The following COL16A1 variants were observed in gnomAD, a reference collection of about 807,000 sequenced individuals.
COL16A1 encodes the protein collagen type XVI alpha 1 chain, also known as collagen alpha-1(XVI) chain.
In COL16A1, 189 loss-of-function variants were observed where a neutral mutation model predicts 266.3. The observed-to-expected ratio is 0.71, with a 90% CI of 0.63 to 0.80. COL16A1 has a LOEUF of 0.80. Ranked by LOEUF, COL16A1 falls within the 30% of genes least tolerant of loss-of-function variation. The pLI is 0.00. For missense variants in COL16A1, 1,928 were observed against 2,122.4 expected, an observed-to-expected ratio of 0.91 and a Z score of 1.80; for synonymous variants, 740 against 782.3, an observed-to-expected ratio of 0.95 and a Z score of 0.90.
chr1:31,683,796 C>A, intron 33 of COL16A1, 48 bp from the exon 34 acceptor site: 2 of 1,613,570 alleles, frequency 1.2e-6, no homozygotes, highest in Non-Finnish European at 1.7e-6. Context: ...CCCAGTCACC[C>A]TTTCCCCTTC....
chr1:31,701,507 C>T (rs1375243595), intron 2 of COL16A1: 20 of 985,280 alleles, frequency 2.0e-5, no homozygotes, highest in South Asian at 4.7e-5. Flanking sequence ...GCCCAGAGGG[C>T]ACCCAGCAAG....
In COL16A1 at chr1:31,656,720, G is replaced by C. The variant is rs985420577; in HGVS notation, c.4057-276C>G. ...GAGAGGGCCAGTCTGTGGCATACTG[G>C]GGGGCCTGGAAAGACCTGGTACCCA... On this transcript the variant is annotated intron_variant, in intron 65 of 70. Transcript: ENST00000373672. The surrounding 1 kb of genome is among the most constrained non-coding windows in gnomAD (Gnocchi z 4.2). Among the ~76,000 whole-genome samples the C allele has an allele frequency of 6.6e-6, 1 of 152,080 alleles. No individual in the cohort carries two copies. Among genetic ancestry groups the C allele is most frequent in the Non-Finnish European group, 1.5e-5 (1 of 68,000 alleles).
chr1:31,696,016 TC>T, intron 9 of COL16A1, 71 bp downstream of exon 9: 1 of 1,353,610 alleles, frequency 7.4e-7, no homozygotes, highest in Non-Finnish European at 1.1e-6. Flanking sequence ...GAGCACCTTA[TC>T]CCTGGGGTTT....
intron 58 of COL16A1, among the ~76,000 whole-genome samples, 173 bp downstream of exon 58, chr1:31,662,161 G>A (rs1641725276): frequency 6.6e-6 from 1 of 152,192 alleles, no homozygotes; most frequent in African/African-American, 2.4e-5. Flanking sequence ...AAGCCAAGGG[G>A]CTGTGGTGCC....
rs375705713 is a variant in COL16A1 at position 31,671,665 on chromosome 1, A to G, written c.3106-6T>C. On this transcript the variant is annotated splice_region_variant and splice_polypyrimidine_tract_variant and intron_variant, in intron 47 of 70. Coordinates refer to ENST00000373672, the MANE Select transcript of COL16A1 (RefSeq NM_001856.4). ...CCCCTCATGCCAGGCGGACCCTGCA[A>G]AGGAAGCCAAGGGAAATGGATGAAG... 2 of 1,614,010 alleles carry G rather than the reference A, an allele frequency of 1.2e-6. No individual in the cohort carries two copies. Among genetic ancestry groups the G allele is most frequent in the Non-Finnish European group, 1.7e-6 (2 of 1,179,972 alleles).
At chr1:31,666,161 C>G in intron 52 of COL16A1, 80 bp from the exon 53 acceptor site, 1 of 1,439,618 alleles carries the variant, frequency 6.9e-7, no homozygotes, top group Non-Finnish European at 9.5e-7. Flanking sequence ...CAGGGGACTG[C>G]CCAGAACAGA....
At chr1:31,659,122 G>C (rs1641424810) in intron 62 of COL16A1, among the ~76,000 whole-genome samples, 158 bp from the exon 63 acceptor site, 1 of 152,230 alleles carries the variant, frequency 6.6e-6, no homozygotes, top group African/African-American at 2.4e-5. Flanking sequence ...CTTCGGACAA[G>C]ATTTGCGCCC....
chr1:31,695,005 G>A (rs1382718148), intron 11 of COL16A1, among the ~76,000 whole-genome samples, 181 bp downstream of exon 11: 1 of 152,208 alleles, frequency 6.6e-6, no homozygotes, highest in Non-Finnish European at 1.5e-5. Flanking sequence ...CTTCCACACA[G>A]TCCTGGCTTG....
chr1:31,701,443 G>T, intron 2 of COL16A1: 1 of 985,394 alleles, frequency 1.0e-6, no homozygotes, highest in Non-Finnish European at 1.2e-6. Flanking sequence ...TTTCCTAGCT[G>T]GGTTTGGGTC....
chr1:31,696,421 G>A (rs146455930), intron 8 of COL16A1, among the ~76,000 whole-genome samples: 9 of 151,306 alleles, frequency 5.9e-5, no homozygotes, highest in African/African-American at 1.9e-4. Context: ...ATGCCCGAGC[G>A]GGCAGGGAGA....
chr1:31,695,357 C>G, intron 10 of COL16A1, 136 bp from the exon 11 acceptor site: 1 of 861,874 alleles, frequency 1.2e-6, no homozygotes, highest in Non-Finnish European at 1.9e-6. Flanking sequence ...GATAGGAATC[C>G]TATAAAACAA....
chr1:31,652,961 G>A lies in COL16A1; in HGVS notation c.4613-108C>T, dbSNP rs1289899844. The A allele has an allele frequency of 8.9e-7, 1 of 1,129,116 alleles. No homozygotes were observed. Among genetic ancestry groups the A allele is most frequent in the African/African-American group, 1.6e-5 (1 of 62,238 alleles). 69.9% of individuals were successfully genotyped at this position (1,129,116 alleles called of 1,614,324 possible). ...CTTACATTTGATGACTGTTTCTCAA[G>A]TTACCACATGTTTTCATGAAGACCT... On this transcript the variant is annotated intron_variant, in intron 70 of 70. Transcript: ENST00000373672. This position sits in a 1 kb window ranked among gnomAD's most constrained non-coding sequence, Gnocchi z 4.8.
Position 31,684,163 on chromosome 1 carries a change from C to A in COL16A1, c.2229G>T (p.Gln743His). 1 of 1,545,834 alleles carries A rather than the reference C, an allele frequency of 6.5e-7. No homozygotes were observed. The highest frequency in any genetic ancestry group is 1.2e-5 in the South Asian group (1 of 82,964). Residue 743 changes from glutamine (Q) to histidine (H), a missense_variant, in exon 32 of 71, where the codon CAG becomes CAT. Gln to His is a conservative substitution (Grantham distance 24). This residue lies in a region of COL16A1 where 1,552 missense variants were observed against 1,637.2 expected (regional missense o/e 0.95). Coordinates refer to ENST00000373672, the MANE Select transcript of COL16A1 (RefSeq NM_001856.4). The stretch of plus-strand genomic sequence containing the variant: ...GGCCCTGCTCTCCTTTGGGGCCGGG[C>A]TGCCCAGGCCGTCCTGCCATGTCTG... ...TVTDMAGRPG[Q>H]PGPKGEQGPE...
In COL16A1 at chr1:31,665,606, G is replaced by T; in HGVS notation, c.3469C>A (p.Gln1157Lys). 6.2e-7 allele frequency: 1 copy of T among 1,613,948 alleles called. No homozygotes were observed. Among genetic ancestry groups the T allele is most frequent in the Non-Finnish European group, 8.5e-7 (1 of 1,179,928 alleles). Residue 1157 changes from glutamine (Q) to lysine (K), a missense_variant, in exon 55 of 71, where the codon CAG (glutamine) becomes AAG (lysine). By Grantham distance (53) the Gln-to-Lys change is moderately conservative. Coordinates refer to ENST00000373672, the MANE Select transcript of COL16A1 (RefSeq NM_001856.4). The stretch of plus-strand genomic sequence containing the variant: ...ACCGGTGGGCCCGGAAAGCCTGGCT[G>T]GCCTTGAAATCCCTAGGGTGAGAAG... ...GEKGDQGFQGQPGFPGPPGPP... is the reference protein window; with the variant it reads ...GEKGDQGFQGKPGFPGPPGPP...
At chr1:31,658,705 A>G (rs1641384196) in intron 63 of COL16A1, 128 bp from the exon 64 acceptor site, 1 of 1,057,894 alleles carries the variant, frequency 9.5e-7, no homozygotes. Context: ...CTGAACTTGC[A>G]GCAGGACTCT....
Position 31,656,220 on chromosome 1 carries a change from A to G in COL16A1, c.4101+180T>C, listed in dbSNP as rs571818744. 9.7e-5 allele frequency: 90 copies of G among 931,770 alleles called. 1 individual carries two copies. The African/African-American group carries it at 1.3e-3, about 13-fold the overall frequency. 57.7% of individuals were successfully genotyped at this position (931,770 alleles called of 1,614,324 possible). On this transcript the variant is annotated intron_variant, in intron 66 of 70. Transcript: ENST00000373672. The surrounding 1 kb of genome is among the most constrained non-coding windows in gnomAD (Gnocchi z 4.2). The stretch of plus-strand genomic sequence containing the variant: ...TGAACTGGAGATTTCCTTCCCCCCA[A>G]CCACAGCTAATGACCCCATGTGAGA...
rs535230853 is a variant in COL16A1 at position 31,656,148 on chromosome 1, G to A, written c.4101+252C>T. 13 of 604,690 alleles carry A rather than the reference G, an allele frequency of 2.1e-5. No homozygotes were observed. Among genetic ancestry groups the A allele is most frequent in the South Asian group, 1.2e-4 (6 of 48,062 alleles). The allele number at this position is 604,690 out of a possible 1,614,324, so 37.5% of individuals were successfully genotyped here. A position where few individuals can be genotyped will look rare whatever the true frequency, so the allele number is the denominator to read the frequency against. ...TGTGAGCAGGAGCAAGGGAGTGCTC[G>A]GGAAATGGAAACAATGAATGAATCA... On this transcript the variant is annotated intron_variant, in intron 66 of 70. Coordinates refer to ENST00000373672, the MANE Select transcript of COL16A1 (RefSeq NM_001856.4). The surrounding 1 kb of genome is among the most constrained non-coding windows in gnomAD (Gnocchi z 4.2).
intron 42 of COL16A1, among the ~76,000 whole-genome samples, chr1:31,676,589 C>A (rs942593920): frequency 3.9e-5 from 6 of 152,154 alleles, no homozygotes; most frequent in Non-Finnish European, 7.4e-5. Flanking sequence ...GAAAAAAATT[C>A]TATGCCTCAG....
At chr1:31,679,470 G>T (rs764590288) in intron 42 of COL16A1, 162 bp downstream of exon 42, 1 of 1,611,074 alleles carries the variant, frequency 6.2e-7, no homozygotes, top group Non-Finnish European at 8.5e-7. Flanking sequence ...GGCTCAGTGG[G>T]CCCTCCTTGC....
Sources: allele counts gnomAD v4.1 joint callset (sites outside exome capture counted in the v4.1 genomes callset), GRCh38; gene constraint gnomAD v4.1.1; regional missense constraint gnomAD v4.1.1; non-coding constraint Gnocchi (gnomAD v3.1); transcripts MANE v1.5; gene names NCBI Gene and HGNC (gene_info 2026-07-23, HGNC 2026-07-21).